Variants in GMCL1 observed in about 807,000 individuals in gnomAD.
GMCL1 encodes germ cell-less 1, spermatogenesis associated, also known as germ cell-less protein-like 1.
Under a neutral mutation model 75.5 loss-of-function variants are expected in GMCL1, and 54 were observed. That is an observed-to-expected ratio of 0.71 (90% CI 0.57 to 0.90). The LOEUF (loss-of-function observed/expected upper bound fraction) is 0.90. Among genes scored for constraint, GMCL1 ranks in the 40% least tolerant of loss-of-function variants. The pLI is 0.00. For synonymous variants in GMCL1, 210 were observed against 209.6 expected, an observed-to-expected ratio of 1.00 and a Z score of -0.02; for missense variants, 537 against 622.7, an observed-to-expected ratio of 0.86 and a Z score of 1.47.
At chr2:69,878,820 C>CGA in intron 13 of GMCL1, 89 bp from the exon 14 acceptor site, 1 of 863,970 alleles carries the variant, frequency 1.2e-6, no homozygotes, top group Non-Finnish European at 2.0e-6. Flanking sequence ...ACTCAGGACA[C>CGA]TATCTCCTTT....
chr2:69,864,462 A>C (rs999856531), intron 10 of GMCL1, among the ~76,000 whole-genome samples: 1 of 152,076 alleles, frequency 6.6e-6, no homozygotes, highest in African/African-American at 2.4e-5. Flanking sequence ...TTGATTTTGC[A>C]TAGTTACACT....
At chr2:69,877,972 A>G (rs550906837) in intron 13 of GMCL1, among the ~76,000 whole-genome samples, 56 of 152,354 alleles carry the variant, frequency 3.7e-4, no homozygotes, top group Non-Finnish European at 7.3e-4. Flanking sequence ...AGCATATCCC[A>G]GGCATTTAAA....
chr2:69,847,685 A>G (rs1442677649), intron 7 of GMCL1, 58 bp downstream of exon 7: 2 of 1,011,488 alleles, frequency 2.0e-6, no homozygotes, highest in Non-Finnish European at 3.1e-6. Flanking sequence ...AATGCGTATA[A>G]TGGTGAAAAA....
intron 10 of GMCL1, among the ~76,000 whole-genome samples, chr2:69,861,908 C>T (rs889073695): frequency 5.9e-5 from 9 of 152,104 alleles, no homozygotes; most frequent in African/African-American, 2.2e-4. Context: ...CATAGTGAAA[C>T]CCCGTCTCTA....
At chr2:69,839,617 G>A in intron 3 of GMCL1, 64 bp downstream of exon 3, 1 of 1,073,086 alleles carries the variant, frequency 9.3e-7, no homozygotes, top group Middle Eastern at 2.0e-4. Context: ...TCTTCTGGTA[G>A]AAGATAAATA....
intron 10 of GMCL1, 113 bp from the exon 11 acceptor site, chr2:69,864,786 CA>C: frequency 1.5e-6 from 1 of 684,676 alleles, no homozygotes; most frequent in Non-Finnish European, 2.5e-6. Flanking sequence ...ATCTGTACCA[CA>C]AAAACTTATT....
At chr2:69,864,783 C>T in intron 10 of GMCL1, 117 bp from the exon 11 acceptor site, 4 of 655,678 alleles carry the variant, frequency 6.1e-6, no homozygotes, top group Non-Finnish European at 1.1e-5. Context: ...TTTATCTGTA[C>T]CACAAAAACT....
intron 10 of GMCL1, among the ~76,000 whole-genome samples, chr2:69,861,947 A>G (rs1026067342): frequency 2.0e-5 from 3 of 152,186 alleles, no homozygotes; most frequent in African/African-American, 7.2e-5. Context: ...GGTTGCGGTA[A>G]GCCAAAATTG....
chr2:69,875,558 A>G (rs1197010401), intron 13 of GMCL1, among the ~76,000 whole-genome samples: 5 of 152,186 alleles, frequency 3.3e-5, no homozygotes, highest in African/African-American at 1.2e-4. Context: ...TAGTTTGTGG[A>G]CCATTGATGT....
At chr2:69,863,318 C>A (rs901187089) in intron 10 of GMCL1, among the ~76,000 whole-genome samples, 1 of 152,148 alleles carries the variant, frequency 6.6e-6, no homozygotes, top group Non-Finnish European at 1.5e-5. Context: ...TATGATATAT[C>A]CCCTCTTAGG....
At chr2:69,844,314 A>G (rs1675071642) in intron 6 of GMCL1, 118 bp downstream of exon 6, 1 of 575,098 alleles carries the variant, frequency 1.7e-6, no homozygotes, top group South Asian at 2.4e-5. Flanking sequence ...CAAACAATTT[A>G]ATGAAAGGGC....
intron 1 of GMCL1, among the ~76,000 whole-genome samples, chr2:69,834,533 A>T (rs1234467906): frequency 5.3e-5 from 8 of 152,178 alleles, no homozygotes; most frequent in Non-Finnish European, 1.5e-5. Flanking sequence ...AACTTTCTTC[A>T]TATCTTTGAT....
rs938244545 is a variant in GMCL1, at chr2:69,855,019, A to G, written c.1072+59A>G. On this transcript the variant is annotated intron_variant, in intron 9 of 13. Coordinates refer to ENST00000282570, the MANE Select transcript of GMCL1 (RefSeq NM_178439.5). ...TATTTCTGATTATAAAGTAATATAG[A>G]TCATAGAAAAGAACAAGGAAAGAAG... 23 of 1,256,938 alleles carry G rather than the reference A, an allele frequency of 1.8e-5. No individual in the cohort carries two copies. In the South Asian group the frequency reaches 3.1e-4, roughly 17 times the overall value. 77.9% of individuals were successfully genotyped at this position (1,256,938 alleles called of 1,614,324 possible).
rs568853644 is a variant in GMCL1, at chr2:69,841,776, T to C, written c.579+737T>C. On this transcript the variant is annotated intron_variant, in intron 4 of 13. Transcript: ENST00000282570. ...ACGAAAGTTACATTTTCACACAGAG[T>C]CTTGAAAGTGTGTTTGTATTGCAAA... Among the ~76,000 whole-genome samples, 3 of 152,094 alleles carry C rather than the reference T, an allele frequency of 2.0e-5. No individual in the cohort carries two copies. The South Asian group carries it at 6.2e-4, about 32-fold the overall frequency.
chr2:69,843,610 G>C (rs1675048185), intron 5 of GMCL1, among the ~76,000 whole-genome samples: 1 of 152,080 alleles, frequency 6.6e-6, no homozygotes, highest in South Asian at 2.1e-4. Flanking sequence ...GCAATGTAGG[G>C]AGACCCCATC....
At position 69,854,745 on chromosome 2, in the gene GMCL1, G is replaced by A. The variant is rs866016685; in HGVS notation, c.935-78G>A. 62 of 1,157,232 alleles carry A rather than the reference G, an allele frequency of 5.4e-5. 1 individual carries two copies. In the Middle Eastern group the frequency reaches 8.8e-4, roughly 17 times the overall value. 71.7% of individuals were successfully genotyped at this position (1,157,232 alleles called of 1,614,324 possible). ...TGTATTCTAATAGACATGAATGTAC[G>A]TATCCCCCGTCCACAAAAACATTTA... On this transcript the variant is annotated intron_variant, in intron 8 of 13. Transcript: ENST00000282570.
At chr2:69,842,217 TG>T (rs1318707200) in intron 4 of GMCL1, among the ~76,000 whole-genome samples, 11 of 152,166 alleles carry the variant, frequency 7.2e-5, no homozygotes, top group Admixed American at 6.5e-4. Flanking sequence ...CCACTGGACT[TG>T]GTGATAGACT....
At chr2:69,859,598 T>C (rs1675580194) in intron 9 of GMCL1, among the ~76,000 whole-genome samples, 1 of 151,744 alleles carries the variant, frequency 6.6e-6, no homozygotes, top group Admixed American at 6.6e-5. Flanking sequence ...TAGCTAGGCA[T>C]GGTGGCAGAC....
chr2:69,856,640 CTTTTTTTTTTTTTTTTTTTT>C (rs34707640), intron 9 of GMCL1, among the ~76,000 whole-genome samples: 1 of 89,794 alleles, frequency 1.1e-5, no homozygotes, highest in African/African-American at 4.0e-5. Context: ...CTCTTCCCTC[CTTTTTTTTTTTTTTTTTTTT>C]TTTTTTTTAA....
Sources: gnomAD v4.1 joint callset for allele counts (sites outside exome capture counted in the v4.1 genomes callset) on GRCh38, gnomAD v4.1.1 for gene constraint, MANE v1.5 for transcripts, NCBI Gene and HGNC (gene_info 2026-07-23, HGNC 2026-07-21) for gene names.